Variants in GPR39 observed in about 807,000 individuals in gnomAD.
GPR39 encodes zinc sensing receptor.
GPR39 carries 23 observed loss-of-function variants against 18.4 expected under a neutral mutation model. The observed-to-expected ratio is 1.25, with a 90% CI of 0.90 to 1.77. The LOEUF is 1.77. Ranked by LOEUF, GPR39 falls within the 40% of genes most tolerant of loss-of-function variation. The pLI, the probability that GPR39 is intolerant of heterozygous loss-of-function variation, is 0.00. For missense variants in GPR39, 647 were observed against 602.4 expected, an observed-to-expected ratio of 1.07 and a Z score of -0.78; for synonymous variants, 280 against 257.9, an observed-to-expected ratio of 1.09 and a Z score of -0.82.
chr2:132,550,901 TA>T (rs1680030802), intron 1 of GPR39, among the ~76,000 whole-genome samples: 1 of 152,186 alleles, frequency 6.6e-6, no homozygotes, highest in Non-Finnish European at 1.5e-5. Context: ...TTACCATGTG[TA>T]ATTTTGGAAA....
intron 1 of GPR39, among the ~76,000 whole-genome samples, chr2:132,558,331 G>A (rs1228416115): frequency 6.6e-6 from 1 of 152,158 alleles, no homozygotes; most frequent in African/African-American, 2.4e-5. Flanking sequence ...GGAGCCTCAT[G>A]GGGGAGGCTC....
At chr2:132,472,944 A>G (rs1157611501) in intron 1 of GPR39, among the ~76,000 whole-genome samples, 2 of 151,940 alleles carry the variant, frequency 1.3e-5, no homozygotes, top group Non-Finnish European at 2.9e-5. Context: ...TGAGAGTCTC[A>G]TATTTGAGCT....
At chr2:132,581,400 G>C (rs1403755970) in intron 1 of GPR39, among the ~76,000 whole-genome samples, 1 of 151,736 alleles carries the variant, frequency 6.6e-6, no homozygotes, top group Non-Finnish European at 1.5e-5. Context: ...AGTAGGTCTG[G>C]GGTTCCAGAA....
At chr2:132,467,584 A>G (rs1289550858) in intron 1 of GPR39, among the ~76,000 whole-genome samples, 1 of 152,226 alleles carries the variant, frequency 6.6e-6, no homozygotes, top group Non-Finnish European at 1.5e-5. Flanking sequence ...AAAGAAAAGT[A>G]TTTTTGAATG....
intron 1 of GPR39, chr2:132,644,876 T>A: frequency 5.3e-6 from 3 of 566,018 alleles, no homozygotes; most frequent in Non-Finnish European, 9.3e-6. Context: ...CATTTAATGG[T>A]CTTTCTTTAA....
intron 1 of GPR39, among the ~76,000 whole-genome samples, chr2:132,559,088 G>A (rs563158215): frequency 2.6e-5 from 4 of 152,280 alleles, no homozygotes; most frequent in East Asian, 1.9e-4. Flanking sequence ...AGAAAATGGC[G>A]TTCATGCTCG....
intron 1 of GPR39, among the ~76,000 whole-genome samples, chr2:132,596,916 G>A (rs1455873194): frequency 6.6e-6 from 1 of 152,172 alleles, no homozygotes; most frequent in African/African-American, 2.4e-5. Flanking sequence ...TGTTTGTTGT[G>A]CAAAGCCAAC....
At chr2:132,426,510 C>T (rs1315362907) in intron 1 of GPR39, among the ~76,000 whole-genome samples, 2 of 152,200 alleles carry the variant, frequency 1.3e-5, no homozygotes, top group Non-Finnish European at 2.9e-5. Flanking sequence ...CAGAGTCCTC[C>T]TCACCAGAAG....
chr2:132,625,005 C>G (rs1452751450), intron 1 of GPR39, among the ~76,000 whole-genome samples: 1 of 151,888 alleles, frequency 6.6e-6, no homozygotes, highest in Admixed American at 6.6e-5. Flanking sequence ...CTGTCAAACA[C>G]TTTTCCAGAG....
chr2:132,487,653 TATTTAACAG>T (rs1345233400), intron 1 of GPR39, among the ~76,000 whole-genome samples: 1 of 152,200 alleles, frequency 6.6e-6, no homozygotes, highest in Non-Finnish European at 1.5e-5. Flanking sequence ...TTAATGATTA[TATTTAACAG>T]ATTTAACAGC....
chr2:132,487,677 T>C (rs956005933), intron 1 of GPR39, among the ~76,000 whole-genome samples: 5 of 152,298 alleles, frequency 3.3e-5, no homozygotes, highest in Middle Eastern at 3.4e-3. Context: ...AACAGCCAAT[T>C]AGACCTAGCT....
chr2:132,552,121 C>T (rs1393099381), intron 1 of GPR39, among the ~76,000 whole-genome samples: 1 of 152,046 alleles, frequency 6.6e-6, no homozygotes, highest in African/African-American at 2.4e-5. Flanking sequence ...ACTTTTCTGG[C>T]TATTATTCCT....
intron 1 of GPR39, among the ~76,000 whole-genome samples, chr2:132,474,857 A>G (rs1376362151): frequency 5.9e-5 from 9 of 152,154 alleles, no homozygotes; most frequent in African/African-American, 1.2e-4. Context: ...AAGAATCTCA[A>G]TGATTCTTGT....
At chr2:132,640,371 T>A (rs1681838197) in intron 1 of GPR39, among the ~76,000 whole-genome samples, 1 of 152,252 alleles carries the variant, frequency 6.6e-6, no homozygotes, top group Non-Finnish European at 1.5e-5. Flanking sequence ...TGTGTCATCA[T>A]CTAATGGCTC....
chr2:132,591,882 G>T (rs1241586352), intron 1 of GPR39, among the ~76,000 whole-genome samples: 1 of 152,214 alleles, frequency 6.6e-6, no homozygotes, highest in Non-Finnish European at 1.5e-5. Flanking sequence ...TTAATGGCTA[G>T]AAGTGGGATT....
chr2:132,568,237 T>G (rs566591467), intron 1 of GPR39, among the ~76,000 whole-genome samples: 1 of 152,150 alleles, frequency 6.6e-6, no homozygotes, highest in African/African-American at 2.4e-5. Flanking sequence ...GTGGGGAGAT[T>G]TAGAAAAAGT....
intron 1 of GPR39, among the ~76,000 whole-genome samples, chr2:132,610,796 A>AAG (rs1553460050): frequency 1.3e-5 from 2 of 149,502 alleles, no homozygotes; most frequent in African/African-American, 4.9e-5. Context: ...AAAAAAAAAA[A>AAG]AAGAAGAAGA....
intron 1 of GPR39, among the ~76,000 whole-genome samples, chr2:132,437,893 C>A (rs141343384): frequency 2.0e-5 from 3 of 152,290 alleles, no homozygotes; most frequent in Admixed American, 6.5e-5. Context: ...ACATACTTGA[C>A]CTCTGAGAGC....
At chr2:132,501,327 T>C (rs190419904) in intron 1 of GPR39, among the ~76,000 whole-genome samples, 91 of 152,298 alleles carry the variant, frequency 6.0e-4, no homozygotes, top group Non-Finnish European at 9.6e-4. Context: ...CTTGATTTCA[T>C]TGTTGACCCA....
Sources: gnomAD v4.1 joint callset for allele counts (sites outside exome capture counted in the v4.1 genomes callset) on GRCh38, gnomAD v4.1.1 for gene constraint, MANE v1.5 for transcripts, NCBI Gene and HGNC (gene_info 2026-07-23, HGNC 2026-07-21) for gene names.